The following ARHGAP39 variants were observed in gnomAD, a reference collection of about 807,000 sequenced individuals.
ARHGAP39 encodes the protein Rho GTPase activating protein 39, also known as rho GTPase-activating protein 39.
ARHGAP39 carries 44 observed loss-of-function variants against 106.9 expected under a neutral mutation model. The observed-to-expected ratio is 0.41, with a 90% CI of 0.32 to 0.53. The LOEUF is 0.53. ARHGAP39 is among the 20% of genes least tolerant of loss of function. ARHGAP39 has a pLI of 0.21. For missense variants in ARHGAP39, 1,496 were observed against 1,577.3 expected, an observed-to-expected ratio of 0.95 and a Z score of 0.87; for synonymous variants, 768 against 693.2, an observed-to-expected ratio of 1.11 and a Z score of -1.69.
chr8:144,536,503 C>G (rs1308014336), intron 7 of ARHGAP39, among the ~76,000 whole-genome samples: 4 of 152,210 alleles, frequency 2.6e-5, no homozygotes, highest in South Asian at 2.1e-4. Context: ...GTCCAGCTCT[C>G]AGGCCACCGG....
chr8:144,645,431 C>A lies in ARHGAP39; in HGVS notation c.-81-39736G>T, dbSNP rs1428724936. On this transcript the variant is annotated intron_variant, in intron 1 of 11. Coordinates refer to ENST00000377307, the MANE Select transcript of ARHGAP39 (RefSeq NM_025251.3). The surrounding 1 kb of genome is among the most constrained non-coding windows in gnomAD (Gnocchi z 4.4). Reference sequence around the variant, plus strand: ...CTCTCCCGGCAGAGTCACTGATGGACTCCGTCAGGGCAGAGCCTCCCCGCC... The same window carrying A: ...CTCTCCCGGCAGAGTCACTGATGGAATCCGTCAGGGCAGAGCCTCCCCGCC... Among the ~76,000 whole-genome samples, 2 of 150,618 alleles carry A rather than the reference C, an allele frequency of 1.3e-5. No individual in the cohort carries two copies. The highest frequency in any genetic ancestry group is 4.3e-4 in the South Asian group (2 of 4,666).
rs879875953 is a variant in ARHGAP39, at chr8:144,561,707, CTCCAGTGGTTTCCATCGGACTTAA to C, written c.513-6088_513-6065del. On this transcript the variant is annotated intron_variant, in intron 3 of 11. Transcript: ENST00000377307. ...TCGCGCTCCAGTGGTTTCCATCACA[CTCCAGTGGTTTCCATCGGACTTAA>C]TCCAGTGGTTTCCATCGGACTTAAT... Among the ~76,000 whole-genome samples, 678 of 150,482 alleles carry C rather than the reference CTCCAGTGGTTTCCATCGGACTTAA, an allele frequency of 4.5e-3. 4 individuals are homozygous for C. Among genetic ancestry groups the C allele is most frequent in the Non-Finnish European group, 7.2e-3 (489 of 67,894 alleles).
At chr8:144,635,238 T>C (rs905799365) in intron 1 of ARHGAP39, among the ~76,000 whole-genome samples, 1 of 152,218 alleles carries the variant, frequency 6.6e-6, no homozygotes. Flanking sequence ...GGGTGGAATT[T>C]TCAGCTGCAC....
chr8:144,542,812 A>G (rs1817252421), intron 6 of ARHGAP39, among the ~76,000 whole-genome samples: 1 of 151,704 alleles, frequency 6.6e-6, no homozygotes, highest in South Asian at 2.1e-4. Context: ...GGTGGCGCGC[A>G]CCTGTGGTCC....
chr8:144,660,984 CA>C (rs372862802), intron 1 of ARHGAP39, among the ~76,000 whole-genome samples: 5 of 145,866 alleles, frequency 3.4e-5, no homozygotes, highest in East Asian at 4.1e-4. Flanking sequence ...GACTCCATCT[CA>C]AAAAAAAAAT....
At chr8:144,578,005 TAAAAG>T (rs1362472934) in intron 3 of ARHGAP39, among the ~76,000 whole-genome samples, 12 of 152,092 alleles carry the variant, frequency 7.9e-5, no homozygotes, top group Non-Finnish European at 1.6e-4. Flanking sequence ...TTGTTGTTGT[TAAAAG>T]AAATGAAAAA....
intron 4 of ARHGAP39, among the ~76,000 whole-genome samples, chr8:144,551,998 C>T (rs1817710819): frequency 6.6e-6 from 1 of 152,364 alleles, no homozygotes; most frequent in Admixed American, 6.5e-5. Flanking sequence ...CTCCCAAATT[C>T]CCACACCTCT....
chr8:144,676,600 C>T (rs1185788417), intron 1 of ARHGAP39, among the ~76,000 whole-genome samples: 1 of 152,244 alleles, frequency 6.6e-6, no homozygotes, highest in Non-Finnish European at 1.5e-5. Flanking sequence ...TCTCCAAGTC[C>T]CCACCCGACC....
chr8:144,550,952 T>C (rs1215116098), intron 4 of ARHGAP39, among the ~76,000 whole-genome samples: 1 of 152,234 alleles, frequency 6.6e-6, no homozygotes, highest in African/African-American at 2.4e-5. Flanking sequence ...TCTGCCTCAG[T>C]TTCCTCCTCA....
At position 144,547,523 on chromosome 8, in the gene ARHGAP39, G is replaced by T. The variant is rs1368682466; in HGVS notation, c.1563C>A (p.Pro521=). 6 of 1,485,728 alleles carry T rather than the reference G, an allele frequency of 4.0e-6. No homozygotes were observed. The highest frequency in any genetic ancestry group is 5.3e-6 in the Non-Finnish European group (6 of 1,121,668). 92.0% of individuals were successfully genotyped at this position (1,485,728 alleles called of 1,614,324 possible). A position where few individuals can be genotyped will look rare whatever the true frequency, so the allele number is the denominator to read the frequency against. Residue 521 remains proline (P), a synonymous_variant, in exon 5 of 12, where the codon CCC becomes CCA. Coordinates refer to ENST00000377307, the MANE Select transcript of ARHGAP39 (RefSeq NM_025251.3). The surrounding 1 kb of genome is among the most constrained non-coding windows in gnomAD (Gnocchi z 5.2). ...CGCACGGGGGCTGTTCCTCGGCCAG[G>T]GGCTGCTCCACAAGCAGGTCCCCGG... ...EGPGDLLVEQ[P]LAEEQPPCGT... is the part of the protein sequence containing the mutation.
intron 2 of ARHGAP39, among the ~76,000 whole-genome samples, chr8:144,587,682 T>C (rs1006790045): frequency 2.3e-5 from 3 of 132,716 alleles, no homozygotes; most frequent in African/African-American, 8.7e-5. Flanking sequence ...TGAGACGGAG[T>C]CTCGCTCCGT....
At chr8:144,629,579 T>C (rs1821011509) in intron 1 of ARHGAP39, among the ~76,000 whole-genome samples, 2 of 152,230 alleles carry the variant, frequency 1.3e-5, no homozygotes, top group Non-Finnish European at 2.9e-5. Context: ...GAGACAAACC[T>C]GAAAGACATC....
chr8:144,575,186 T>C (rs112691872), intron 3 of ARHGAP39, among the ~76,000 whole-genome samples: 10,458 of 152,264 alleles, frequency 0.069, 1,176 homozygotes, highest in African/African-American at 0.23. Flanking sequence ...GGACTGGCAG[T>C]TGCCGTGCGT....
chr8:144,676,109 A>C (rs535204569), intron 1 of ARHGAP39, among the ~76,000 whole-genome samples: 2 of 152,350 alleles, frequency 1.3e-5, no homozygotes, highest in East Asian at 3.9e-4. Context: ...TGCGAAGAGC[A>C]AAAGAACAAA....
chr8:144,545,734 A>G lies in ARHGAP39; in HGVS notation c.2036T>C (p.Val679Ala). ...CTTGCGCAGCGTGAAAGTGGGGAAG[A>G]CGCAGCTGGAGCTGGGAACGCCGCT... Reference protein sequence around the residue: ...SRSGVPSSSCVFPTFTLRKPS... With the variant: ...SRSGVPSSSCAFPTFTLRKPS... The change falls in exon 6 of 12, where the codon GTC (valine) becomes GCC (alanine). Residue 679 changes from valine (V) to alanine (A), a missense_variant. Physicochemically the swap from Val to Ala is moderately conservative, Grantham distance 64 (BLOSUM62 0). Transcript: ENST00000377307. 1 of 1,611,800 alleles carries G rather than the reference A, an allele frequency of 6.2e-7. No individual in the cohort carries two copies.
intron 6 of ARHGAP39, among the ~76,000 whole-genome samples, chr8:144,544,803 C>G (rs1817339802): frequency 6.6e-6 from 1 of 152,276 alleles, no homozygotes; most frequent in African/African-American, 2.4e-5. Flanking sequence ...CTCACAGGAG[C>G]CTTCTGCCAG....
chr8:144,546,964 C>T (rs1817451533), intron 5 of ARHGAP39, among the ~76,000 whole-genome samples, 163 bp downstream of exon 5: 1 of 152,222 alleles, frequency 6.6e-6, no homozygotes. Context: ...TGAGCCCTGA[C>T]AGCCCGCTGG....
rs1300459246 is a variant in ARHGAP39, at chr8:144,585,885, G to A, written c.81-4608C>T. On this transcript the variant is annotated intron_variant, in intron 2 of 11. Transcript: ENST00000377307. The surrounding 1 kb of genome is among the most constrained non-coding windows in gnomAD (Gnocchi z 4.6). Reference sequence around the variant, plus strand: ...GGACGGGTGCCCTGCCTTCCCCCTGGAGCCGGCTCTCCCCGAGGGACAGAT... The same window carrying A: ...GGACGGGTGCCCTGCCTTCCCCCTGAAGCCGGCTCTCCCCGAGGGACAGAT... Among the ~76,000 whole-genome samples the A allele has an allele frequency of 6.6e-6, 1 of 152,218 alleles. No homozygotes were observed. The highest frequency in any genetic ancestry group is 6.5e-5 in the Admixed American group (1 of 15,294).
chr8:144,630,660 T>G (rs1178857211), intron 1 of ARHGAP39, among the ~76,000 whole-genome samples: 1 of 152,216 alleles, frequency 6.6e-6, no homozygotes, highest in South Asian at 2.1e-4. Flanking sequence ...GAACCCCATG[T>G]GACAGTGTTA....
Sources: gnomAD v4.1 joint callset for allele counts (sites outside exome capture counted in the v4.1 genomes callset) on GRCh38, gnomAD v4.1.1 for gene constraint, Gnocchi (gnomAD v3.1) non-coding constraint, MANE v1.5 for transcripts, NCBI Gene and HGNC (gene_info 2026-07-23, HGNC 2026-07-21) for gene names.